Variants in COL5A2 observed in about 807,000 individuals in gnomAD.
COL5A2 encodes the protein collagen type V alpha 2 chain.
Under a neutral mutation model 208.2 loss-of-function variants are expected in COL5A2, and 23 were observed. That is an observed-to-expected ratio of 0.11 (90% confidence interval 0.08 to 0.16). The LOEUF is 0.16. COL5A2 is among the 10% of genes least tolerant of loss of function. The pLI is 1.00. For missense variants in COL5A2, 1,590 were observed against 1,956.4 expected (o/e 0.81, Z 3.53); for synonymous variants, 625 against 628.5 (o/e 0.99, Z 0.08).
At chr2:189,423,883 T>A in the COL5A2 span, among the ~76,000 whole-genome samples, 1 of 148,910 alleles carries the variant, frequency 6.7e-6, no homozygotes, top group African/African-American at 2.5e-5. Flanking sequence ...GCATACCAAA[T>A]CAGACGAGGG....
chr2:189,100,256 G>A (rs895713056), intron 3 of COL5A2, 117 bp from the exon 4 acceptor site: 7 of 761,596 alleles, frequency 9.2e-6, no homozygotes, highest in African/African-American at 3.5e-5. Context: ...TGTAAGAAAT[G>A]CAAAAAACTA....
At chr2:189,200,195 T>G (rs569593040) in intron 1 of COL5A2, among the ~76,000 whole-genome samples, 64 of 152,288 alleles carry the variant, frequency 4.2e-4, no homozygotes, top group African/African-American at 1.5e-3. Flanking sequence ...AAATAATACC[T>G]TGATGGTATA....
At chr2:189,385,975 G>A in the COL5A2 span, among the ~76,000 whole-genome samples, 1 of 152,160 alleles carries the variant, frequency 6.6e-6, no homozygotes, top group Non-Finnish European at 1.5e-5. Context: ...ATGGCAGAAG[G>A]TGAATGAGGA....
At chr2:189,376,894 T>C in the COL5A2 span, among the ~76,000 whole-genome samples, 1 of 152,138 alleles carries the variant, frequency 6.6e-6, no homozygotes, top group Non-Finnish European at 1.5e-5. Context: ...AACTAGAGAC[T>C]AGGCAGGAAA....
At chr2:189,292,464 A>G in the COL5A2 span, among the ~76,000 whole-genome samples, 51 of 152,340 alleles carry the variant, frequency 3.3e-4, no homozygotes, top group South Asian at 0.01. Context: ...GACACTTCTC[A>G]AAAGAAGACA....
chr2:189,119,249 A>C (rs1687454018), intron 1 of COL5A2, among the ~76,000 whole-genome samples: 1 of 152,156 alleles, frequency 6.6e-6, no homozygotes, highest in South Asian at 2.1e-4. Flanking sequence ...GCAAACAGAC[A>C]AGGAGGATGA....
At chr2:189,247,247 C>T in the COL5A2 span, among the ~76,000 whole-genome samples, 1 of 152,100 alleles carries the variant, frequency 6.6e-6, no homozygotes, top group African/African-American at 2.4e-5. Flanking sequence ...GCCAACAGCA[C>T]AAGTAGATGG....
chr2:189,132,612 T>C (rs1243681495), intron 1 of COL5A2, among the ~76,000 whole-genome samples: 1 of 152,228 alleles, frequency 6.6e-6, no homozygotes, highest in African/African-American at 2.4e-5. Context: ...ACAATTCATC[T>C]CATTTATTGT....
chr2:189,362,430 T>C, the COL5A2 span, among the ~76,000 whole-genome samples: 1 of 152,136 alleles, frequency 6.6e-6, no homozygotes, highest in Non-Finnish European at 1.5e-5. Context: ...CAGCATTCTG[T>C]CAGCCCAGTA....
At chr2:189,185,118 G>T (rs914652851) in intron 1 of COL5A2, among the ~76,000 whole-genome samples, 5 of 151,996 alleles carry the variant, frequency 3.3e-5, no homozygotes, top group Non-Finnish European at 7.4e-5. Flanking sequence ...CCGCCTCCCG[G>T]GTTCAAACGA....
At chr2:189,339,928 C>T in the COL5A2 span, among the ~76,000 whole-genome samples, 1 of 152,150 alleles carries the variant, frequency 6.6e-6, no homozygotes, top group African/African-American at 2.4e-5. Context: ...CATGTTTATT[C>T]AAAAGAAACC....
the COL5A2 span, among the ~76,000 whole-genome samples, chr2:189,417,833 C>CATATATGTGTATAT: frequency 6.6e-6 from 1 of 151,420 alleles, no homozygotes; most frequent in Non-Finnish European, 1.5e-5. Context: ...TATACACATA[C>CATATATGTGTATAT]ATATATGTGT....
At chr2:189,330,111 A>T in the COL5A2 span, among the ~76,000 whole-genome samples, 51 of 152,300 alleles carry the variant, frequency 3.3e-4, no homozygotes, top group African/African-American at 1.1e-3. Context: ...TCAGCTACAC[A>T]CCAATTCCCC....
chr2:189,141,272 A>ATAC (rs1357261403), intron 1 of COL5A2, among the ~76,000 whole-genome samples: 7 of 152,212 alleles, frequency 4.6e-5, no homozygotes, highest in East Asian at 1.9e-4. Context: ...AATAATAATA[A>ATAC]TAAATACCAT....
the COL5A2 span, among the ~76,000 whole-genome samples, chr2:189,371,089 G>T: frequency 6.6e-6 from 1 of 151,936 alleles, no homozygotes; most frequent in East Asian, 1.9e-4. Context: ...AAAGAGCATG[G>T]CACCTCCCCC....
chr2:189,163,763 A>G (rs11901914), intron 1 of COL5A2, among the ~76,000 whole-genome samples: 26,312 of 152,180 alleles, frequency 0.17, 3,246 homozygotes, highest in African/African-American at 0.35. Context: ...TAAATATTCT[A>G]TAGTCACAGG....
At chr2:189,056,499 G>C (rs549193192) in intron 35 of COL5A2, among the ~76,000 whole-genome samples, 1 of 152,194 alleles carries the variant, frequency 6.6e-6, no homozygotes, top group African/African-American at 2.4e-5. Context: ...CATTCTGCTT[G>C]TTCAAACTGT....
chr2:189,343,844 C>T, the COL5A2 span, among the ~76,000 whole-genome samples: 2 of 152,130 alleles, frequency 1.3e-5, no homozygotes, highest in African/African-American at 4.8e-5. Context: ...AGTTTTATAA[C>T]CTTCTGTGCC....
At chr2:189,149,465 C>T (rs977731350) in intron 1 of COL5A2, among the ~76,000 whole-genome samples, 22 of 152,104 alleles carry the variant, frequency 1.4e-4, no homozygotes, top group Admixed American at 4.6e-4. Context: ...GCTCTATATT[C>T]CATTAAACTC....
Sources: allele counts gnomAD v4.1 joint callset (sites outside exome capture counted in the v4.1 genomes callset), GRCh38; gene constraint gnomAD v4.1.1; transcripts MANE v1.5; gene names NCBI Gene and HGNC (gene_info 2026-07-23, HGNC 2026-07-21).